Variants in GLYATL2 observed in about 807,000 individuals in gnomAD.
The protein encoded by GLYATL2 is glycine-N-acyltransferase like 2.
Under a neutral mutation model 21.4 loss-of-function variants are expected in GLYATL2, and 25 were observed. The observed-to-expected ratio is 1.17, with a 90% CI of 0.85 to 1.63. The LOEUF (loss-of-function observed/expected upper bound fraction) is 1.63. Ranked by LOEUF, GLYATL2 falls within the 40% of genes most tolerant of loss-of-function variation. GLYATL2 has a pLI of 0.00. For synonymous variants in GLYATL2, 114 were observed against 118.2 expected (o/e 0.96, Z 0.23); for missense variants, 361 against 343.3 (o/e 1.05, Z -0.41).
chr11:58,907,504 A>G (rs1465192393), upstream of GLYATL2: 1 of 395,848 alleles, frequency 2.5e-6, no homozygotes, highest in African/African-American at 2.1e-5. Context: ...TTTTGTTTTC[A>G]GGCTAGGGGA....
At chr11:58,874,232 A>G (rs1237901251) in intron 1 of GLYATL2, among the ~76,000 whole-genome samples, 1 of 152,076 alleles carries the variant, frequency 6.6e-6, no homozygotes, top group African/African-American at 2.4e-5. Context: ...GACCTTTTCA[A>G]AAAACCAGCT....
chr11:58,861,485 G>C lies in GLYATL2; in HGVS notation n.61-23117C>G, dbSNP rs184908117. Among the ~76,000 whole-genome samples the C allele has an allele frequency of 1.6e-4, 24 of 151,424 alleles. No homozygotes were observed. The East Asian group carries it at 2.9e-3, about 18-fold the overall frequency. ...CTTTTTTTCCCCTCGTCTGGATAAA[G>C]GTTTGTCAATCTTCTTTATCTTTTC... On this transcript the variant is annotated intron_variant and non_coding_transcript_variant, in intron 1 of 4. Transcript: ENST00000533636.
At chr11:58,839,079 A>G (rs1853495973) in intron 2 of GLYATL2, among the ~76,000 whole-genome samples, 1 of 152,206 alleles carries the variant, frequency 6.6e-6, no homozygotes, top group South Asian at 2.1e-4. Flanking sequence ...CAAGTGGTAT[A>G]TGGCAGGAGA....
At chr11:58,875,336 C>A (rs190267421) in intron 1 of GLYATL2, among the ~76,000 whole-genome samples, 2 of 152,052 alleles carry the variant, frequency 1.3e-5, no homozygotes, top group African/African-American at 4.8e-5. Context: ...GTCATTATGA[C>A]GTTAGCTGGT....
chr11:58,893,158 G>T, intron 1 of GLYATL2: 2 of 387,268 alleles, frequency 5.2e-6, no homozygotes, highest in Admixed American at 7.3e-5. Context: ...GCGCTGCATA[G>T]GAGCCATGCC....
At chr11:58,888,904 C>A (rs1854489973) in intron 1 of GLYATL2, among the ~76,000 whole-genome samples, 1 of 151,896 alleles carries the variant, frequency 6.6e-6, no homozygotes, top group South Asian at 2.1e-4. Flanking sequence ...TCCAGTTCCC[C>A]ACCAACTACC....
chr11:58,880,071 G>A (rs537493235), intron 1 of GLYATL2, among the ~76,000 whole-genome samples: 12 of 152,164 alleles, frequency 7.9e-5, no homozygotes, highest in Admixed American at 4.6e-4. Context: ...TGTTAGCCAG[G>A]ATAGTCTCGA....
intron 1 of GLYATL2, among the ~76,000 whole-genome samples, chr11:58,865,549 G>T (rs1430308289): frequency 6.7e-6 from 1 of 149,108 alleles, no homozygotes; most frequent in African/African-American, 2.4e-5. Flanking sequence ...AAGAACAACG[G>T]CTTGGGATTC....
chr11:58,846,438 T>A (rs1352540401), upstream of GLYATL2, among the ~76,000 whole-genome samples: 2 of 152,048 alleles, frequency 1.3e-5, no homozygotes, highest in Non-Finnish European at 2.9e-5. Context: ...GAAGAGACAG[T>A]AAAAAACAGT....
intron 1 of GLYATL2, among the ~76,000 whole-genome samples, chr11:58,839,886 A>G (rs1208776962): frequency 1.3e-5 from 2 of 152,302 alleles, no homozygotes; most frequent in African/African-American, 2.4e-5. Flanking sequence ...GTACATTAAC[A>G]TATCTGGCAA....
chr11:58,892,649 C>G, intron 1 of GLYATL2: 1 of 328,918 alleles, frequency 3.0e-6, no homozygotes, highest in South Asian at 7.3e-5. Context: ...TGCTTTCTTG[C>G]CTTTCTTCCC....
chr11:58,892,856 T>C (rs1376721660), intron 1 of GLYATL2: 4 of 319,972 alleles, frequency 1.3e-5, no homozygotes, highest in Non-Finnish European at 2.5e-5. Context: ...AAACAGGTGC[T>C]TATCATTTAT....
chr11:58,866,891 G>C (rs924115180), intron 1 of GLYATL2, among the ~76,000 whole-genome samples: 5 of 149,358 alleles, frequency 3.3e-5, no homozygotes, highest in African/African-American at 9.7e-5. Context: ...CAGAATCCTA[G>C]GAAGTTTTCA....
intron 1 of GLYATL2, among the ~76,000 whole-genome samples, chr11:58,852,645 T>C (rs1230852354): frequency 1.3e-5 from 2 of 152,200 alleles, no homozygotes; most frequent in African/African-American, 4.8e-5. Context: ...CCACAGAACC[T>C]TTGCCAAGAG....
chr11:58,877,093 C>T (rs1308151945), intron 1 of GLYATL2, among the ~76,000 whole-genome samples: 1 of 152,214 alleles, frequency 6.6e-6, no homozygotes, highest in Non-Finnish European at 1.5e-5. Context: ...GTGCCTTGTG[C>T]AGGATATAAT....
chr11:58,885,414 C>G (rs372503084), intron 1 of GLYATL2: 139 of 441,648 alleles, frequency 3.1e-4, no homozygotes, highest in African/African-American at 2.5e-3. Context: ...CTCTCCTAGT[C>G]CTTTCCATCT....
rs770990570 is a variant in GLYATL2, at chr11:58,837,047, C to A, written c.444G>T (p.Lys148Asn). 2.5e-6 allele frequency: 4 copies of A among 1,613,376 alleles called. No individual in the cohort carries two copies. The highest frequency in any genetic ancestry group is 3.4e-6 in the Non-Finnish European group (4 of 1,179,664). ...CATCATCCACTTCAAATAACTCCAT[C>A]TTGTCATTACTTGAGGTCTTGTGTT... The part of the protein sequence containing the change: ...PKKHKTSSND[K>N]MELFEVDDDN... Residue 148 changes from lysine to asparagine, a missense_variant, in exon 5 of 6, where the codon AAG (lysine) becomes AAT (asparagine). Transcript: ENST00000287275.
upstream of GLYATL2, chr11:58,907,308 C>A (rs1379305035): frequency 4.4e-6 from 2 of 456,298 alleles, no homozygotes; most frequent in Non-Finnish European, 8.8e-6. Context: ...CTTCTGAAAT[C>A]TGGACTTCCA....
chr11:58,849,045 A>G (rs755801342), upstream of GLYATL2, among the ~76,000 whole-genome samples: 6 of 152,200 alleles, frequency 3.9e-5, no homozygotes, highest in Non-Finnish European at 1.5e-5. Context: ...TGACACACTT[A>G]AAGTGCTGAA....
Sources: allele counts gnomAD v4.1 joint callset (sites outside exome capture counted in the v4.1 genomes callset), GRCh38; gene constraint gnomAD v4.1.1; transcripts MANE v1.5; gene names NCBI Gene and HGNC (gene_info 2026-07-23, HGNC 2026-07-21).